COG5: variants seen among roughly 807,000 people sequenced by gnomAD.
COG5 encodes the protein component of oligomeric golgi complex 5.
A neutral mutation model predicts 110.4 loss-of-function variants in COG5; 86 were observed. The observed-to-expected ratio is 0.78, with a 90% CI of 0.65 to 0.93. COG5 has a LOEUF of 0.93. Ranked by LOEUF, COG5 falls within the 40% of genes least tolerant of loss-of-function variation. The pLI, the probability that COG5 is intolerant of heterozygous loss-of-function variation, is 0.00. For synonymous variants in COG5, 360 were observed against 334.6 expected (o/e 1.08, Z -0.83); for missense variants, 1,077 against 987.0 (o/e 1.09, Z -1.22).
intron 10 of COG5, among the ~76,000 whole-genome samples, chr7:107,351,329 C>T (rs571090304): frequency 1.2e-4 from 18 of 152,156 alleles, no homozygotes; most frequent in South Asian, 8.3e-4. Context: ...TAAAGACTTA[C>T]ATGTTAGACC....
At chr7:107,219,478 A>AT (rs1303858791) in intron 19 of COG5, among the ~76,000 whole-genome samples, 1 of 152,238 alleles carries the variant, frequency 6.6e-6, no homozygotes, top group Non-Finnish European at 1.5e-5. Flanking sequence ...TATGACATAT[A>AT]TACAAAATAG....
chr7:107,243,284 C>T (rs1049588935), intron 17 of COG5, among the ~76,000 whole-genome samples: 7 of 152,144 alleles, frequency 4.6e-5, no homozygotes, highest in South Asian at 2.1e-4. Context: ...GAGGCCGAGA[C>T]GGGTGGATCA....
At chr7:107,231,731 A>G (rs1800789206) in intron 18 of COG5, among the ~76,000 whole-genome samples, 1 of 151,822 alleles carries the variant, frequency 6.6e-6, no homozygotes, top group South Asian at 2.1e-4. Context: ...TCGATCACTC[A>G]TTTGAGAAAC....
chr7:107,519,384 C>CA (rs1800167484), intron 6 of COG5, among the ~76,000 whole-genome samples: 2 of 151,358 alleles, frequency 1.3e-5, no homozygotes, highest in South Asian at 4.2e-4. Context: ...AAAAAATTAA[C>CA]AAAATAGAGC....
chr7:107,535,112 T>C (rs1456400058), intron 5 of COG5, among the ~76,000 whole-genome samples: 4 of 151,544 alleles, frequency 2.6e-5, no homozygotes, highest in Non-Finnish European at 5.9e-5. Context: ...ATCAGTTCTT[T>C]GAAACCAATG....
At chr7:107,417,626 A>G (rs1169788575) in intron 6 of COG5, among the ~76,000 whole-genome samples, 1 of 152,156 alleles carries the variant, frequency 6.6e-6, no homozygotes, top group Non-Finnish European at 1.5e-5. Flanking sequence ...TTATCAAACT[A>G]CTTTTCAAAA....
At chr7:107,270,882 C>CTTTTTTTTTTTTTTTTTTT (rs56971368) in intron 14 of COG5, among the ~76,000 whole-genome samples, 4 of 68,726 alleles carry the variant, frequency 5.8e-5, no homozygotes, top group African/African-American at 2.0e-4. Flanking sequence ...CTAACTAGAA[C>CTTTTTTTTTTTTTTTTTTT]TTTTTTTTTT....
intron 6 of COG5, among the ~76,000 whole-genome samples, chr7:107,503,351 G>T (rs996437606): frequency 1.3e-5 from 2 of 151,994 alleles, no homozygotes; most frequent in African/African-American, 4.8e-5. Context: ...GTTTCATTGG[G>T]TCTATGTGCC....
rs550729867 is a variant in COG5, at chr7:107,554,715, T to C, written c.235-373A>G. On this transcript the variant is annotated intron_variant, in intron 2 of 21. Transcript: ENST00000297135. ...CAGCATCTGGTGAGAACCCATTCCT[T>C]ACAGATGGTACCTTGTATCTATCTT... Among the ~76,000 whole-genome samples the C allele has an allele frequency of 2.6e-5, 4 of 152,296 alleles. No homozygotes were observed. In the South Asian group the frequency reaches 8.3e-4, roughly 32 times the overall value.
chr7:107,267,907 T>A (rs549494740), intron 14 of COG5, among the ~76,000 whole-genome samples: 14 of 152,322 alleles, frequency 9.2e-5, no homozygotes, highest in Admixed American at 3.3e-4. Context: ...TAAAAAATAA[T>A]TTTAAAAATG....
chr7:107,253,889 T>C (rs928500383), intron 16 of COG5, among the ~76,000 whole-genome samples: 1 of 152,136 alleles, frequency 6.6e-6, no homozygotes, highest in African/African-American at 2.4e-5. Context: ...TTTGCCAAAA[T>C]GTCTCTTGAT....
chr7:107,535,686 G>A (rs1477416408), intron 5 of COG5, among the ~76,000 whole-genome samples: 1 of 152,068 alleles, frequency 6.6e-6, no homozygotes, highest in Non-Finnish European at 1.5e-5. Context: ...ACCAAAAATA[G>A]CCCAGGACCA....
chr7:107,299,826 CATATATAT>C (rs71856513), intron 11 of COG5, among the ~76,000 whole-genome samples: 7,626 of 103,172 alleles, frequency 0.074, 815 homozygotes, highest in African/African-American at 0.22. Flanking sequence ...TCATAGTTGG[CATATATAT>C]ATATATATAT....
intron 16 of COG5, among the ~76,000 whole-genome samples, chr7:107,250,317 T>C (rs1460346139): frequency 6.6e-6 from 1 of 152,114 alleles, no homozygotes; most frequent in Non-Finnish European, 1.5e-5. Flanking sequence ...AAATGCGGCT[T>C]GCAACTGAGG....
chr7:107,396,141 CAT>C (rs1024944142), intron 7 of COG5, among the ~76,000 whole-genome samples: 5 of 152,226 alleles, frequency 3.3e-5, no homozygotes, highest in East Asian at 3.9e-4. Context: ...GGAGATAACA[CAT>C]GTCTAGAAGA....
At chr7:107,274,760 T>C (rs1203425512) in intron 14 of COG5, among the ~76,000 whole-genome samples, 1 of 152,194 alleles carries the variant, frequency 6.6e-6, no homozygotes. Flanking sequence ...TGACAACATA[T>C]AACTAATACA....
rs371683986 is a variant in COG5, at chr7:107,429,725, G to A, written c.539-17093C>T. On this transcript the variant is annotated intron_variant, in intron 6 of 21. Coordinates refer to ENST00000297135, the MANE Select transcript of COG5 (RefSeq NM_006348.5). ...CCAATTATGGGGACGGGTCTTTCCT[G>A]TGACAATGAATAAGTCTCATGAGAT... 9.4e-4 allele frequency among the ~76,000 whole-genome samples: 143 copies of A among 152,240 alleles called. 4 individuals carry two copies. In the South Asian group the frequency reaches 0.013, roughly 13 times the overall value.
At chr7:107,414,541 T>C (rs747961914) in intron 6 of COG5, among the ~76,000 whole-genome samples, 1 of 152,012 alleles carries the variant, frequency 6.6e-6, no homozygotes, top group Admixed American at 6.6e-5. Context: ...GCTTTCAATA[T>C]TCTAGTCAAT....
At chr7:107,413,668 C>T (rs1273774014) in intron 6 of COG5, among the ~76,000 whole-genome samples, 1 of 152,080 alleles carries the variant, frequency 6.6e-6, no homozygotes, top group Non-Finnish European at 1.5e-5. Context: ...TCACTATCAG[C>T]GTTACAAGTC....
Sources: allele counts gnomAD v4.1 joint callset (sites outside exome capture counted in the v4.1 genomes callset), GRCh38; gene constraint gnomAD v4.1.1; transcripts MANE v1.5; gene names NCBI Gene and HGNC (gene_info 2026-07-23, HGNC 2026-07-21).